Variants in KCNK13 observed in about 807,000 individuals in gnomAD.
KCNK13 encodes potassium two pore domain channel subfamily K member 13, also known as potassium channel subfamily K member 13.
KCNK13 carries 12 observed loss-of-function variants against 23.4 expected under a neutral mutation model. That is an observed-to-expected ratio of 0.51 (90% CI 0.33 to 0.83). KCNK13 has a LOEUF of 0.83. KCNK13 is among the 40% of genes least tolerant of loss of function. KCNK13 has a pLI of 0.02. For synonymous variants in KCNK13, 231 were observed against 229.5 expected (o/e 1.01, Z -0.06); for missense variants, 463 against 556.3 (o/e 0.83, Z 1.69).
intron 1 of KCNK13, among the ~76,000 whole-genome samples, chr14:90,074,486 C>G (rs1188837735): frequency 6.6e-6 from 1 of 152,146 alleles, no homozygotes; most frequent in African/African-American, 2.4e-5. Flanking sequence ...AGATTCTTAT[C>G]CATTCTCTGT....
chr14:90,104,179 G>A (rs534408547), intron 1 of KCNK13, among the ~76,000 whole-genome samples: 2 of 151,986 alleles, frequency 1.3e-5, no homozygotes, highest in East Asian at 1.9e-4. Context: ...CTTCTCAGCC[G>A]AGCCTCCTAA....
chr14:90,166,038 G>A (rs555291733), intron 1 of KCNK13, among the ~76,000 whole-genome samples: 13 of 152,240 alleles, frequency 8.5e-5, no homozygotes, highest in African/African-American at 1.2e-4. Flanking sequence ...TCATACCCTC[G>A]TTTTCAGCTT....
At chr14:90,078,435 GA>G (rs1199539115) in intron 1 of KCNK13, among the ~76,000 whole-genome samples, 2 of 137,172 alleles carry the variant, frequency 1.5e-5, no homozygotes, top group South Asian at 2.4e-4. Flanking sequence ...AAAAAAGAAA[GA>G]AAAAAAAGAA....
intron 1 of KCNK13, among the ~76,000 whole-genome samples, chr14:90,088,583 C>T (rs537893414): frequency 2.0e-5 from 3 of 152,262 alleles, no homozygotes; most frequent in Admixed American, 1.3e-4. Context: ...ATTTCCCAGT[C>T]GAAATATAGA....
In KCNK13 at chr14:90,127,817, T is replaced by TAAA. The variant is rs35453411; in HGVS notation, c.335-56275_335-56273dup. ...CTGGTAGACAAAGCAAGATGCTATC[T>TAAA]AAAAAAAAAAAAAAAAAAAAAGGCT... On this transcript the variant is annotated intron_variant, in intron 1 of 1. Coordinates refer to ENST00000282146, the MANE Select transcript of KCNK13 (RefSeq NM_022054.4). Among the ~76,000 whole-genome samples, 161 of 85,098 alleles carry TAAA rather than the reference T, an allele frequency of 1.9e-3. 2 individuals carry two copies. Among genetic ancestry groups the TAAA allele is most frequent in the Non-Finnish European group, 2.9e-3 (134 of 46,442 alleles). 55.8% of individuals were successfully genotyped at this position (85,098 alleles called of 152,430 possible).
intron 1 of KCNK13, among the ~76,000 whole-genome samples, chr14:90,159,943 AGG>A (rs941132945): frequency 1.2e-4 from 9 of 72,030 alleles, no homozygotes; most frequent in African/African-American, 3.6e-4. Context: ...GTGTGTGTGT[AGG>A]GGTGTGTGTG....
At chr14:90,079,336 T>C (rs1245933207) in intron 1 of KCNK13, among the ~76,000 whole-genome samples, 1 of 151,900 alleles carries the variant, frequency 6.6e-6, no homozygotes, top group Non-Finnish European at 1.5e-5. Flanking sequence ...GAATTGAGGA[T>C]GAGAAAAGGG....
chr14:90,130,640 C>T (rs1048683985), intron 1 of KCNK13, among the ~76,000 whole-genome samples: 1 of 151,844 alleles, frequency 6.6e-6, no homozygotes, highest in Admixed American at 6.6e-5. Flanking sequence ...TGGCAAAACC[C>T]CATCTCTACT....
chr14:90,143,212 CTTTTTT>C (rs60670249), intron 1 of KCNK13, among the ~76,000 whole-genome samples: 3 of 112,600 alleles, frequency 2.7e-5, no homozygotes, highest in Non-Finnish European at 3.8e-5. Context: ...TCTTTCTTTT[CTTTTTT>C]TTTTTTTGAG....
Position 90,184,421 on chromosome 14 carries a change from G to A in KCNK13, c.645G>A (p.Met215Ile), listed in dbSNP as rs146448825. 7.4e-6 allele frequency: 12 copies of A among 1,614,106 alleles called. No homozygotes were observed. The African/African-American group carries it at 1.5e-4, about 20-fold the overall frequency. Residue 215 changes from methionine to isoleucine, a missense_variant, in exon 2 of 2, where the codon ATG (methionine) becomes ATA (isoleucine). Physicochemically the swap from Met to Ile is conservative, Grantham distance 10. This residue lies in a region of KCNK13 where 144 missense variants were observed against 224.0 expected (regional missense o/e 0.64). Transcript: ENST00000282146. This position sits in a 1 kb window ranked among gnomAD's most constrained non-coding sequence, Gnocchi z 5.6. ...TCATCTCTTGCTGCGCCTCAGCCAT[G>A]TACACCCCCATTGAAGGCTGGAGCT... ...SILISCCASA[M>I]YTPIEGWSYF...
At chr14:90,143,302 G>C (rs1459467850) in intron 1 of KCNK13, among the ~76,000 whole-genome samples, 1 of 150,276 alleles carries the variant, frequency 6.7e-6, no homozygotes, top group African/African-American at 2.5e-5. Flanking sequence ...CTGCCTCCTG[G>C]GCTCATGCCA....
At chr14:90,181,857 A>G (rs1234408615) in intron 1 of KCNK13, among the ~76,000 whole-genome samples, 3 of 152,194 alleles carry the variant, frequency 2.0e-5, no homozygotes, top group African/African-American at 7.2e-5. Context: ...ATGGCCCCAG[A>G]CAAATGTTTC....
intron 1 of KCNK13, among the ~76,000 whole-genome samples, chr14:90,124,847 T>A (rs1405057044): frequency 6.6e-6 from 1 of 152,166 alleles, no homozygotes; most frequent in Non-Finnish European, 1.5e-5. Context: ...CTCTGAAAAA[T>A]ACAATAAGAA....
At chr14:90,114,262 C>A (rs1889648885) in intron 1 of KCNK13, among the ~76,000 whole-genome samples, 1 of 152,142 alleles carries the variant, frequency 6.6e-6, no homozygotes, top group Admixed American at 6.6e-5. Flanking sequence ...TATACTCAGG[C>A]TCCAGACAGC....
chr14:90,175,993 C>T (rs1421648020), intron 1 of KCNK13, among the ~76,000 whole-genome samples: 2 of 152,156 alleles, frequency 1.3e-5, no homozygotes, highest in Non-Finnish European at 2.9e-5. Context: ...GGAACTAGTA[C>T]AGCATCGCTC....
At chr14:90,143,841 T>C (rs947778568) in intron 1 of KCNK13, among the ~76,000 whole-genome samples, 6 of 152,212 alleles carry the variant, frequency 3.9e-5, no homozygotes, top group African/African-American at 1.2e-4. Context: ...AACATAATTT[T>C]GACAGTTGGC....
intron 1 of KCNK13, among the ~76,000 whole-genome samples, chr14:90,165,061 A>G (rs1336686232): frequency 6.6e-6 from 1 of 152,226 alleles, no homozygotes; most frequent in African/African-American, 2.4e-5. Flanking sequence ...CATGTCTTAC[A>G]TGGTGGCTGG....
At chr14:90,175,721 A>G (rs1731631091) in intron 1 of KCNK13, among the ~76,000 whole-genome samples, 1 of 152,202 alleles carries the variant, frequency 6.6e-6, no homozygotes, top group South Asian at 2.1e-4. Context: ...TTGACCAACC[A>G]TGGGTGTTTC....
intron 1 of KCNK13, among the ~76,000 whole-genome samples, chr14:90,113,652 G>T (rs866768844): frequency 6.6e-6 from 1 of 152,030 alleles, no homozygotes; most frequent in South Asian, 2.1e-4. Flanking sequence ...ACTGAGAGAG[G>T]CCGGGCACGG....
Sources: gnomAD v4.1 joint callset for allele counts (sites outside exome capture counted in the v4.1 genomes callset) on GRCh38, gnomAD v4.1.1 for gene constraint, gnomAD v4.1.1 regional missense constraint, Gnocchi (gnomAD v3.1) non-coding constraint, MANE v1.5 for transcripts, NCBI Gene and HGNC (gene_info 2026-07-23, HGNC 2026-07-21) for gene names.